Variants in ZCCHC4 observed in about 807,000 individuals in gnomAD.
ZCCHC4 encodes the protein zinc finger CCHC-type containing 4.
Under a neutral mutation model 67.7 loss-of-function variants are expected in ZCCHC4, and 54 were observed. The observed-to-expected ratio is 0.80, with a 90% CI of 0.64 to 1.00. The LOEUF is 1.00. ZCCHC4 is among the 50% of genes least tolerant of loss of function. The pLI is 0.00. For synonymous variants in ZCCHC4, 198 were observed against 213.5 expected, an observed-to-expected ratio of 0.93 and a Z score of 0.63; for missense variants, 609 against 617.0, an observed-to-expected ratio of 0.99 and a Z score of 0.14.
chr4:25,325,484 G>C (rs144141907), intron 3 of ZCCHC4, among the ~76,000 whole-genome samples: 1 of 151,754 alleles, frequency 6.6e-6, no homozygotes, highest in East Asian at 2.0e-4. Context: ...GGCTGATCTC[G>C]AACTCCTGAC....
At chr4:25,330,191 A>G (rs149112050) in intron 3 of ZCCHC4, among the ~76,000 whole-genome samples, 132 of 152,146 alleles carry the variant, frequency 8.7e-4, no homozygotes, top group Non-Finnish European at 1.3e-3. Flanking sequence ...GGGTTTCACC[A>G]TGTTGGCCAG....
At position 25,362,258 on chromosome 4, in the gene ZCCHC4, TAGAGA is replaced by T. The variant is rs1720770031; in HGVS notation, c.1168_1172del (p.Glu390SerfsTer4). 14 of 1,611,364 alleles carry T rather than the reference TAGAGA, an allele frequency of 8.7e-6. No homozygotes were observed. Among genetic ancestry groups the T allele is most frequent in the Non-Finnish European group, 1.2e-5 (14 of 1,178,488 alleles). ...TCTCCGTGTCAACGGTATGTTTCTC[TAGAGA>T]ATCAACACTGTGAGCTCTGTAATTC... is the stretch of plus-strand genomic sequence containing the variant. On this transcript the variant is annotated frameshift_variant, in exon 10 of 13. Transcript: ENST00000302874. LOFTEE classifies it high-confidence loss of function.
At chr4:25,339,206 C>T (rs910073057) in intron 5 of ZCCHC4, among the ~76,000 whole-genome samples, 2 of 152,182 alleles carry the variant, frequency 1.3e-5, no homozygotes, top group Non-Finnish European at 2.9e-5. Flanking sequence ...TTAATTACCT[C>T]TTTAAAGGCT....
rs184460445 is a variant in ZCCHC4, at chr4:25,320,259, C to A, written c.329+4859C>A. Among the ~76,000 whole-genome samples, 3 of 151,996 alleles carry A rather than the reference C, an allele frequency of 2.0e-5. No homozygotes were observed. In the East Asian group the frequency reaches 5.8e-4, roughly 29 times the overall value. ...TGTTTGTTATATAGTATGTTTGCACCCTTATTGTGACCTATGAAGACTTAG... is the reference window on the plus strand; with the variant it reads ...TGTTTGTTATATAGTATGTTTGCACACTTATTGTGACCTATGAAGACTTAG... On this transcript the variant is annotated intron_variant, in intron 3 of 12. Transcript: ENST00000302874.
At chr4:25,341,779 CT>C (rs1460862706) in intron 5 of ZCCHC4, among the ~76,000 whole-genome samples, 1 of 152,156 alleles carries the variant, frequency 6.6e-6, no homozygotes, top group Non-Finnish European at 1.5e-5. Flanking sequence ...AGATATACAA[CT>C]TAGTAGTGTT....
intron 3 of ZCCHC4, among the ~76,000 whole-genome samples, chr4:25,331,221 T>C (rs535485084): frequency 2.6e-5 from 4 of 152,320 alleles, no homozygotes; most frequent in Middle Eastern, 6.8e-3. Context: ...CTTTTTCATA[T>C]ATTTTGTCTT....
At chr4:25,318,349 C>CTTTTTTTTTTTTTTTTTTTTTT (rs528144406) in intron 3 of ZCCHC4, among the ~76,000 whole-genome samples, 2 of 45,506 alleles carry the variant, frequency 4.4e-5, no homozygotes, top group Non-Finnish European at 3.6e-5. Flanking sequence ...CACTCTCTCT[C>CTTTTTTTTTTTTTTTTTTTTTT]TTTTTTTTTT....
intron 3 of ZCCHC4, among the ~76,000 whole-genome samples, chr4:25,332,461 T>G (rs187721108): frequency 6.6e-6 from 1 of 152,314 alleles, no homozygotes; most frequent in East Asian, 1.9e-4. Flanking sequence ...ATAGCTGGCA[T>G]CACATGTACA....
chr4:25,326,438 G>A (rs879854907), intron 3 of ZCCHC4, among the ~76,000 whole-genome samples: 5 of 152,174 alleles, frequency 3.3e-5, no homozygotes, highest in Non-Finnish European at 7.3e-5. Flanking sequence ...TATTCTCTTT[G>A]GTAGGATGTG....
At chr4:25,360,943 A>G (rs1720708374) in intron 8 of ZCCHC4, among the ~76,000 whole-genome samples, 1 of 152,188 alleles carries the variant, frequency 6.6e-6, no homozygotes, top group African/African-American at 2.4e-5. Flanking sequence ...AGCATTGTGG[A>G]TGGTGATCAC....
In ZCCHC4 at chr4:25,312,948, T is replaced by C. The variant is rs759268846; in HGVS notation, c.127+12T>C. 7.5e-6 allele frequency: 12 copies of C among 1,610,590 alleles called. No homozygotes were observed. In the Admixed American group the frequency reaches 2.0e-4, roughly 27 times the overall value. On this transcript the variant is annotated intron_variant, in intron 1 of 12. Coordinates refer to ENST00000302874, the MANE Select transcript of ZCCHC4 (RefSeq NM_024936.3). ...GCTGTGCCCTCACGGTGGGTCAGAG[T>C]CTGGGCTCAGCCTAACTGCCGGGCG...
rs750348215 is a variant in ZCCHC4, at chr4:25,361,842, A to C, written c.1012-17A>C. 6.3e-7 allele frequency: 1 copy of C among 1,587,168 alleles called. No individual in the cohort carries two copies. The highest frequency in any genetic ancestry group is 2.3e-5 in the East Asian group (1 of 44,424). On this transcript the variant is annotated splice_polypyrimidine_tract_variant and intron_variant, in intron 8 of 12. Coordinates refer to ENST00000302874, the MANE Select transcript of ZCCHC4 (RefSeq NM_024936.3). ...TTTGAGTAAATTTTCTTTCTGCTCT[A>C]ATTTTTAACTTTCTAGGTAGATTAT...
chr4:25,366,050 T>C (rs1720928880), intron 12 of ZCCHC4: 1 of 977,430 alleles, frequency 1.0e-6, no homozygotes, highest in African/African-American at 1.8e-5. Flanking sequence ...CTATGACTTG[T>C]AATTTAAAAA....
chr4:25,326,188 C>G (rs1420825188), intron 3 of ZCCHC4, among the ~76,000 whole-genome samples: 1 of 152,230 alleles, frequency 6.6e-6, no homozygotes, highest in African/African-American at 2.4e-5. Context: ...TTTCCAGCGT[C>G]TGGGACCACC....
intron 12 of ZCCHC4, 44 bp from the exon 13 acceptor site, chr4:25,368,985 C>G: frequency 6.3e-7 from 1 of 1,575,022 alleles, no homozygotes; most frequent in Non-Finnish European, 8.6e-7. Context: ...TTACATAATT[C>G]ACTGTGCTCA....
intron 8 of ZCCHC4, among the ~76,000 whole-genome samples, chr4:25,358,335 C>A (rs1720593065): frequency 1.3e-5 from 2 of 152,294 alleles, no homozygotes; most frequent in South Asian, 4.1e-4. Flanking sequence ...GTACCCTGTT[C>A]TTAAACATAA....
Position 25,370,227 on chromosome 4 carries a change from A to G in ZCCHC4, c.*1063A>G, listed in dbSNP as rs555488899. 6.6e-6 allele frequency: 1 copy of G among 152,316 alleles called. No homozygotes were observed. Among genetic ancestry groups the G allele is most frequent in the African/African-American group, 2.4e-5 (1 of 41,568 alleles). The allele number at this position is 152,316 out of a possible 1,614,324, so 9.4% of individuals were successfully genotyped here. On this transcript the variant is annotated 3_prime_UTR_variant, in exon 13 of 13. Coordinates refer to ENST00000302874, the MANE Select transcript of ZCCHC4 (RefSeq NM_024936.3). Reference sequence around the variant, plus strand: ...AGTTTGGTAATTAAACGCCCAAACTAAACTCCTCATTCCTACCCTTAATAT... The same window carrying G: ...AGTTTGGTAATTAAACGCCCAAACTGAACTCCTCATTCCTACCCTTAATAT...
At chr4:25,314,834 AGT>A (rs1284275853) in intron 2 of ZCCHC4, among the ~76,000 whole-genome samples, 1 of 152,216 alleles carries the variant, frequency 6.6e-6, no homozygotes, top group Non-Finnish European at 1.5e-5. Flanking sequence ...CATTCCAGAA[AGT>A]GTTAAAAAAC....
At chr4:25,366,434 G>A (rs897676048) in intron 12 of ZCCHC4, 3 of 290,656 alleles carry the variant, frequency 1.0e-5, no homozygotes, top group African/African-American at 6.9e-5. Context: ...TCCTGCCTCA[G>A]CCTCCCTAGT....
Sources: allele counts gnomAD v4.1 joint callset (sites outside exome capture counted in the v4.1 genomes callset), GRCh38; gene constraint gnomAD v4.1.1; transcripts MANE v1.5; gene names NCBI Gene and HGNC (gene_info 2026-07-23, HGNC 2026-07-21).